The following RPRD2 variants were observed in gnomAD, a reference collection of about 807,000 sequenced individuals.
The protein encoded by RPRD2 is regulation of nuclear pre-mRNA domain-containing protein 2.
Under a neutral mutation model 104.4 loss-of-function variants are expected in RPRD2, and 12 were observed. The ratio of observed to expected loss-of-function variants is 0.11; its 90% CI spans 0.07 to 0.19. The LOEUF (loss-of-function observed/expected upper bound fraction) is 0.19, where lower values mean the gene tolerates loss of function less well. RPRD2 is among the 10% of genes least tolerant of loss of function. RPRD2 has a pLI of 1.00. For synonymous variants in RPRD2, 714 were observed against 684.9 expected, an observed-to-expected ratio of 1.04 and a Z score of -0.66; for missense variants, 1,543 against 1,790.1, an observed-to-expected ratio of 0.86 and a Z score of 2.49.
intron 6 of RPRD2, among the ~76,000 whole-genome samples, 179 bp from the exon 7 acceptor site, chr1:150,446,047 G>A (rs1267091366): frequency 1.5e-5 from 2 of 137,590 alleles, no homozygotes; most frequent in South Asian, 4.3e-4. Context: ...TAGCCTGGGC[G>A]ACAGAGTGAG....
intron 2 of RPRD2, among the ~76,000 whole-genome samples, chr1:150,428,894 G>C (rs1268951281): frequency 6.6e-6 from 1 of 151,988 alleles, no homozygotes; most frequent in East Asian, 1.9e-4. Flanking sequence ...AGTAAGGGGG[G>C]GTGTCATTAG....
At chr1:150,396,694 A>T (rs1221474531) in intron 1 of RPRD2, among the ~76,000 whole-genome samples, 1 of 152,058 alleles carries the variant, frequency 6.6e-6, no homozygotes, top group Non-Finnish European at 1.5e-5. Context: ...AGAAAAGACA[A>T]CCCTAAAATT....
At chr1:150,403,183 T>A (rs1367248926) in intron 1 of RPRD2, among the ~76,000 whole-genome samples, 2 of 152,232 alleles carry the variant, frequency 1.3e-5, no homozygotes, top group African/African-American at 4.8e-5. Flanking sequence ...CAGTTCCATT[T>A]TGAATAATGT....
Position 150,473,521 on chromosome 1 carries a change from A to C in RPRD2, c.*187A>C. 1 of 301,632 alleles carries C rather than the reference A, an allele frequency of 3.3e-6. No homozygotes were observed. The highest frequency in any genetic ancestry group is 5.9e-6 in the Non-Finnish European group (1 of 170,594). 18.7% of individuals were successfully genotyped at this position (301,632 alleles called of 1,614,324 possible). ...ACTATTCAATTCAATCCTCCCTCCC[A>C]TTGCACTTATCTACCTTCCCCAAGT... On this transcript the variant is annotated 3_prime_UTR_variant, in exon 11 of 11. Transcript: ENST00000369068.
intron 2 of RPRD2, among the ~76,000 whole-genome samples, chr1:150,433,569 C>T (rs113508744): frequency 6.8e-6 from 1 of 147,968 alleles, no homozygotes; most frequent in Non-Finnish European, 1.5e-5. Flanking sequence ...CTCAGCCTCC[C>T]GAGTAGCTGG....
chr1:150,429,944 T>C (rs1482314537), intron 2 of RPRD2, among the ~76,000 whole-genome samples: 1 of 152,224 alleles, frequency 6.6e-6, no homozygotes, highest in Admixed American at 6.5e-5. Context: ...CTATGTGATT[T>C]TGGCATTTAA....
rs767657944 is a variant in RPRD2, at chr1:150,472,051, C to G, written c.3103C>G (p.Pro1035Ala). ...HFGQAPSKGT[P>A]SDGVSLSNLT... ...TGGCCAGGCTCCCAGCAAGGGCACT[C>G]CAAGTGATGGTGTCAGTCTCTCAAA... The change falls in exon 11 of 11, where the codon CCA becomes GCA. Residue 1035 changes from proline to alanine, a missense_variant. Around this residue, in one of 4 missense-constraint regions of RPRD2, gnomAD observed 880 missense variants for 885.6 expected, o/e 0.99. Transcript: ENST00000369068. The G allele has an allele frequency of 1.9e-6, 3 of 1,613,858 alleles. No homozygotes were observed. The highest frequency in any genetic ancestry group is 1.1e-5 in the South Asian group (1 of 91,086).
Position 150,392,129 on chromosome 1 carries a change from T to G in RPRD2, c.206-25467T>G, listed in dbSNP as rs587604365. On this transcript the variant is annotated intron_variant, in intron 1 of 10. Transcript: ENST00000369068. ...TTGAACCGGGAGGCGGAGGTTGCAG[T>G]GAGCCAGGATCGCACCACTACACTC... Among the ~76,000 whole-genome samples, 7 of 151,456 alleles carry G rather than the reference T, an allele frequency of 4.6e-5. No homozygotes were observed. In the East Asian group the frequency reaches 1.4e-3, roughly 29 times the overall value.
chr1:150,367,971 T>C (rs587616930), intron 1 of RPRD2, among the ~76,000 whole-genome samples: 7 of 152,236 alleles, frequency 4.6e-5, no homozygotes, highest in Middle Eastern at 3.4e-3. Flanking sequence ...CATCATTTTC[T>C]AAGGTGATCT....
intron 1 of RPRD2, among the ~76,000 whole-genome samples, chr1:150,404,834 T>C (rs1419095086): frequency 6.6e-6 from 1 of 152,230 alleles, no homozygotes; most frequent in Non-Finnish European, 1.5e-5. Flanking sequence ...GAATTCAGTC[T>C]GGTTTTAGAC....
Position 150,473,375 on chromosome 1 carries a change from A to G in RPRD2, c.*41A>G, listed in dbSNP as rs1570812623. ...AGGCATTTTGAACAGTCTAGAGAAC[A>G]TTGGAAGTAGGAGTTTGGTTTATTG... is the stretch of plus-strand genomic sequence containing the variant. On this transcript the variant is annotated 3_prime_UTR_variant, in exon 11 of 11. Transcript: ENST00000369068. 1 of 1,501,722 alleles carries G rather than the reference A, an allele frequency of 6.7e-7. No individual in the cohort carries two copies. Among genetic ancestry groups the G allele is most frequent in the South Asian group, 1.4e-5 (1 of 72,696 alleles). The allele number at this position is 1,501,722 out of a possible 1,614,324, so 93.0% of individuals were successfully genotyped here.
chr1:150,402,495 T>C (rs1421699692), intron 1 of RPRD2, among the ~76,000 whole-genome samples: 1 of 151,554 alleles, frequency 6.6e-6, no homozygotes, highest in Admixed American at 6.6e-5. Context: ...CTGGGCAACA[T>C]AGTGAGACCT....
At chr1:150,378,977 A>AT (rs1388251207) in intron 1 of RPRD2, among the ~76,000 whole-genome samples, 1 of 122,554 alleles carries the variant, frequency 8.2e-6, no homozygotes, top group Non-Finnish European at 1.8e-5. Context: ...GTGAGACTTC[A>AT]TTAAAAAAAA....
chr1:150,436,860 G>A (rs915454119), intron 2 of RPRD2, among the ~76,000 whole-genome samples: 6 of 147,310 alleles, frequency 4.1e-5, no homozygotes, highest in African/African-American at 5.1e-5. Flanking sequence ...AGCTGAGATC[G>A]CGCCATTGCA....
intron 8 of RPRD2, among the ~76,000 whole-genome samples, chr1:150,459,791 A>G (rs1667801130): frequency 6.6e-6 from 1 of 152,044 alleles, no homozygotes; most frequent in South Asian, 2.1e-4. Context: ...GCAGGATTTC[A>G]CCATGTTGAC....
intron 9 of RPRD2, among the ~76,000 whole-genome samples, chr1:150,462,335 C>T (rs782133374): frequency 6.6e-6 from 1 of 151,806 alleles, no homozygotes; most frequent in Non-Finnish European, 1.5e-5. Flanking sequence ...ATCCCAGCTA[C>T]TCATAAGGCT....
At chr1:150,384,709 G>GT (rs1438585914) in intron 1 of RPRD2, among the ~76,000 whole-genome samples, 13 of 149,408 alleles carry the variant, frequency 8.7e-5, no homozygotes, top group African/African-American at 3.2e-4. Flanking sequence ...GTTTCACCCT[G>GT]TTGGCCAAGC....
At chr1:150,387,478 G>C (rs1309970108) in intron 1 of RPRD2, among the ~76,000 whole-genome samples, 1 of 141,886 alleles carries the variant, frequency 7.0e-6, no homozygotes, top group Non-Finnish European at 1.5e-5. Context: ...AGGTGAAACT[G>C]TACTGTTTCT....
chr1:150,464,454 G>T, intron 9 of RPRD2, 73 bp from the exon 10 acceptor site: 4 of 1,078,866 alleles, frequency 3.7e-6, no homozygotes, highest in Non-Finnish European at 4.0e-6. Flanking sequence ...CAAACTCATT[G>T]AAGTGAGGGG....
Sources: allele counts gnomAD v4.1 joint callset (sites outside exome capture counted in the v4.1 genomes callset), GRCh38; gene constraint gnomAD v4.1.1; regional missense constraint gnomAD v4.1.1; transcripts MANE v1.5; gene names NCBI Gene and HGNC (gene_info 2026-07-23, HGNC 2026-07-21).